Variants in GSG1L observed in about 807,000 individuals in gnomAD.
GSG1L encodes germ cell-specific gene 1-like protein.
GSG1L carries 24 observed loss-of-function variants against 42.1 expected under a neutral mutation model. The observed-to-expected ratio is 0.57, with a 90% confidence interval of 0.41 to 0.80. The LOEUF (loss-of-function observed/expected upper bound fraction) is 0.80, where lower values mean the gene tolerates loss of function less well. Among genes scored for constraint, GSG1L ranks in the 30% least tolerant of loss-of-function variants. GSG1L has a pLI of 0.00. For missense variants in GSG1L, 445 were observed against 472.2 expected, an observed-to-expected ratio of 0.94 and a Z score of 0.53; for synonymous variants, 215 against 203.5, an observed-to-expected ratio of 1.06 and a Z score of -0.48.
At chr16:27,841,214 G>A (rs540501628) in intron 4 of GSG1L, among the ~76,000 whole-genome samples, 15 of 152,212 alleles carry the variant, frequency 9.9e-5, no homozygotes, top group African/African-American at 1.9e-4. Context: ...CAAGGTCCCC[G>A]GCTGGTGAGG....
chr16:27,891,908 T>TTTTTTTTTTTTTC (rs58956080), intron 2 of GSG1L, among the ~76,000 whole-genome samples: 1 of 138,836 alleles, frequency 7.2e-6, no homozygotes, highest in Non-Finnish European at 1.5e-5. Context: ...TTTTTTTTTT[T>TTTTTTTTTTTTTC]AATGCAAGGG....
At chr16:27,910,885 C>G (rs2084379340) in intron 2 of GSG1L, among the ~76,000 whole-genome samples, 1 of 152,162 alleles carries the variant, frequency 6.6e-6, no homozygotes, top group Non-Finnish European at 1.5e-5. Flanking sequence ...TGGTGGCATG[C>G]ACTTGTGCCA....
chr16:27,974,311 G>C (rs2085227771), intron 1 of GSG1L, among the ~76,000 whole-genome samples: 1 of 152,180 alleles, frequency 6.6e-6, no homozygotes, highest in Admixed American at 6.5e-5. Context: ...TAGGTTATTA[G>C]CTCAGCCAAA....
At chr16:27,925,564 T>A (rs1035085770) in intron 2 of GSG1L, among the ~76,000 whole-genome samples, 2 of 152,192 alleles carry the variant, frequency 1.3e-5, no homozygotes, top group African/African-American at 4.8e-5. Context: ...GAGAAAAACC[T>A]GGCTATGGAT....
At chr16:27,838,898 C>T (rs920633730) in intron 4 of GSG1L, among the ~76,000 whole-genome samples, 6 of 152,196 alleles carry the variant, frequency 3.9e-5, no homozygotes, top group Admixed American at 1.3e-4. Context: ...TAAAGGAGGC[C>T]GCAGCCACCT....
intron 1 of GSG1L, among the ~76,000 whole-genome samples, chr16:28,051,548 G>T (rs1392429594): frequency 1.3e-5 from 2 of 152,024 alleles, no homozygotes; most frequent in African/African-American, 4.8e-5. Flanking sequence ...GGAATAAGGT[G>T]GGGAGGTGAC....
chr16:27,922,116 T>A (rs1343875681), intron 2 of GSG1L, among the ~76,000 whole-genome samples: 1 of 151,654 alleles, frequency 6.6e-6, no homozygotes, highest in Non-Finnish European at 1.5e-5. Context: ...ACCATGCACA[T>A]GTGCCTCTCC....
At chr16:28,052,450 C>T (rs887328917) in intron 1 of GSG1L, among the ~76,000 whole-genome samples, 1 of 152,164 alleles carries the variant, frequency 6.6e-6, no homozygotes, top group Non-Finnish European at 1.5e-5. Context: ...TCTCTAAGCA[C>T]ATAGTAGGAC....
At chr16:27,841,665 C>T (rs1239223893) in intron 4 of GSG1L, among the ~76,000 whole-genome samples, 1 of 152,206 alleles carries the variant, frequency 6.6e-6, no homozygotes, top group African/African-American at 2.4e-5. Context: ...GGGGCTGATC[C>T]ATCTTGCAGG....
At chr16:27,897,446 G>A (rs1488266639) in intron 2 of GSG1L, among the ~76,000 whole-genome samples, 4 of 152,096 alleles carry the variant, frequency 2.6e-5, no homozygotes, top group African/African-American at 7.2e-5. Flanking sequence ...CCACAGGCAC[G>A]TTCTATTGTG....
chr16:27,831,344 T>A (rs1224117828), intron 4 of GSG1L, among the ~76,000 whole-genome samples: 1 of 152,202 alleles, frequency 6.6e-6, no homozygotes, highest in East Asian at 1.9e-4. Flanking sequence ...TTTTCCTTGA[T>A]TTTTTTCTAC....
intron 6 of GSG1L, among the ~76,000 whole-genome samples, chr16:27,797,988 G>A (rs955873639): frequency 9.2e-5 from 14 of 151,994 alleles, no homozygotes; most frequent in African/African-American, 2.4e-4. Context: ...AAGCACATAC[G>A]GCCATAGAAA....
chr16:27,824,370 G>A (rs1285375896), intron 5 of GSG1L, among the ~76,000 whole-genome samples: 1 of 152,132 alleles, frequency 6.6e-6, no homozygotes, highest in African/African-American at 2.4e-5. Context: ...AGCACCCTCT[G>A]TCCCCCGTGG....
At chr16:27,802,688 CT>C (rs1324013386) in intron 6 of GSG1L, among the ~76,000 whole-genome samples, 1 of 152,120 alleles carries the variant, frequency 6.6e-6, no homozygotes, top group Non-Finnish European at 1.5e-5. Flanking sequence ...CTCAGATGAT[CT>C]TTGCAGTCTC....
intron 1 of GSG1L, among the ~76,000 whole-genome samples, chr16:28,036,205 C>T (rs1434140918): frequency 1.3e-5 from 2 of 152,118 alleles, no homozygotes; most frequent in African/African-American, 2.4e-5. Flanking sequence ...CTCCCCACCA[C>T]GTGGTCACGC....
Position 27,847,675 on chromosome 16 carries a change from G to A in GSG1L, c.551-2614C>T, listed in dbSNP as rs953662229. ...TGTTGGAGAAGGGGCCTGGTGGGAC[G>A]TGACTGGATCATGGGGGGAGATTTC... On this transcript the variant is annotated intron_variant, in intron 3 of 6. Transcript: ENST00000447459. Among the ~76,000 whole-genome samples the A allele has an allele frequency of 7.2e-5, 11 of 152,228 alleles. No homozygotes were observed. The East Asian group carries it at 1.7e-3, about 24-fold the overall frequency.
intron 1 of GSG1L, among the ~76,000 whole-genome samples, chr16:28,046,159 C>T (rs1229302334): frequency 6.6e-6 from 1 of 152,018 alleles, no homozygotes; most frequent in Non-Finnish European, 1.5e-5. Flanking sequence ...CCTCAGACAT[C>T]ACTTCCTCAT....
Position 28,009,112 on chromosome 16 carries a change from TC to T in GSG1L, c.350-45910del, listed in dbSNP as rs1242176984. Among the ~76,000 whole-genome samples, 3 of 152,112 alleles carry T rather than the reference TC, an allele frequency of 2.0e-5. No individual in the cohort carries two copies. The East Asian group carries it at 5.8e-4, about 29-fold the overall frequency. ...GAGTAAGCCACGGTGCTTGGCCACA[TC>T]AGTACTGTTTTAACTGCCCAGTTCT... is the stretch of plus-strand genomic sequence containing the variant. On this transcript the variant is annotated intron_variant, in intron 1 of 6. Coordinates refer to ENST00000447459, the MANE Select transcript of GSG1L (RefSeq NM_001109763.2).
intron 1 of GSG1L, among the ~76,000 whole-genome samples, chr16:27,983,731 C>A (rs2085349685): frequency 6.6e-6 from 1 of 152,120 alleles, no homozygotes; most frequent in Non-Finnish European, 1.5e-5. Flanking sequence ...TCTCCAAGAG[C>A]ATGCTTTGAA....
Sources: allele counts gnomAD v4.1 joint callset (sites outside exome capture counted in the v4.1 genomes callset), GRCh38; gene constraint gnomAD v4.1.1; transcripts MANE v1.5; gene names NCBI Gene and HGNC (gene_info 2026-07-23, HGNC 2026-07-21).